The following DMRT1 variants were observed in gnomAD, a reference collection of about 807,000 sequenced individuals.
The protein encoded by DMRT1 is doublesex and mab-3 related transcription factor 1.
Under a neutral mutation model 32.3 loss-of-function variants are expected in DMRT1, and 7 were observed. The ratio of observed to expected loss-of-function variants is 0.22; its 90% CI spans 0.12 to 0.41. The LOEUF (loss-of-function observed/expected upper bound fraction) is 0.41. Among genes scored for constraint, DMRT1 ranks in the 10% least tolerant of loss-of-function variants. The probability of loss-of-function intolerance (pLI) is 1.00; values close to 1 mark genes in which losing one functional copy is unlikely to be tolerated. For missense variants in DMRT1, 625 were observed against 500.5 expected (o/e 1.25, Z -2.37); for synonymous variants, 278 against 206.1 (o/e 1.35, Z -2.99).
chr9:873,968 A>G (rs1816386872), intron 2 of DMRT1, among the ~76,000 whole-genome samples: 1 of 152,242 alleles, frequency 6.6e-6, no homozygotes, highest in African/African-American at 2.4e-5. Flanking sequence ...AGTGGAAAGT[A>G]CCTAAAAGCT....
intron 2 of DMRT1, among the ~76,000 whole-genome samples, chr9:849,147 G>C (rs1250892030): frequency 6.6e-6 from 1 of 151,988 alleles, no homozygotes; most frequent in Non-Finnish European, 1.5e-5. Context: ...CTTAGTAAAT[G>C]GTAAGGAGAC....
intron 3 of DMRT1, among the ~76,000 whole-genome samples, chr9:908,852 C>CCA (rs921451488): frequency 6.6e-6 from 1 of 152,106 alleles, no homozygotes; most frequent in Non-Finnish European, 1.5e-5. Context: ...CTCTCCTGGG[C>CCA]GCATTTGGAG....
chr9:901,407 A>T (rs1390135706), intron 3 of DMRT1, among the ~76,000 whole-genome samples: 1 of 151,496 alleles, frequency 6.6e-6, no homozygotes, highest in Non-Finnish European at 1.5e-5. Flanking sequence ...GCTCACTGCA[A>T]CCTCTGCCTC....
intron 4 of DMRT1, among the ~76,000 whole-genome samples, chr9:917,961 G>A (rs1818235991): frequency 6.6e-6 from 1 of 152,142 alleles, no homozygotes; most frequent in Non-Finnish European, 1.5e-5. Context: ...GTTGGGAGTG[G>A]ACAAGCACAA....
intron 2 of DMRT1, among the ~76,000 whole-genome samples, chr9:882,963 G>T (rs1019901434): frequency 2.0e-5 from 3 of 151,532 alleles, no homozygotes; most frequent in African/African-American, 4.8e-5. Context: ...GTAGAGACGG[G>T]GTTTCACCAT....
rs148573512 is a variant in DMRT1 at position 854,147 on chromosome 9, C to T, written c.538+7004C>T. ...TTTAATTTTTCAAGAGACAGAGGTT[C>T]GTTCTGTTGCCCAGGTTGGAATGCA... On this transcript the variant is annotated intron_variant, in intron 2 of 4. Transcript: ENST00000382276. Among the ~76,000 whole-genome samples the T allele has an allele frequency of 7.9e-3, 1,193 of 150,874 alleles. 14 individuals are homozygous for T. The highest frequency in any genetic ancestry group is 0.028 in the African/African-American group (1,146 of 41,106).
Position 862,230 on chromosome 9 carries a change from G to C in DMRT1, c.538+15087G>C, listed in dbSNP as rs964468902. ...GGGCAACACTGAGCACTGAGTGAGCGAGACTCCGTCTGCACTCCCGGCACC... is the reference window on the plus strand; with the variant it reads ...GGGCAACACTGAGCACTGAGTGAGCCAGACTCCGTCTGCACTCCCGGCACC... On this transcript the variant is annotated intron_variant, in intron 2 of 4. Coordinates refer to ENST00000382276, the MANE Select transcript of DMRT1 (RefSeq NM_021951.3). Among the ~76,000 whole-genome samples the C allele has an allele frequency of 5.8e-4, 88 of 152,166 alleles. No homozygotes were observed. In the South Asian group the frequency reaches 0.011, roughly 19 times the overall value.
chr9:859,121 G>T (rs971386410), intron 2 of DMRT1, among the ~76,000 whole-genome samples: 1 of 152,050 alleles, frequency 6.6e-6, no homozygotes, highest in African/African-American at 2.4e-5. Context: ...GAAATCACCT[G>T]TAGACTCACA....
At chr9:884,294 G>C (rs1816841501) in intron 2 of DMRT1, among the ~76,000 whole-genome samples, 1 of 151,250 alleles carries the variant, frequency 6.6e-6, no homozygotes, top group Non-Finnish European at 1.5e-5. Context: ...TCCACGATCA[G>C]TAAGGGTATT....
intron 3 of DMRT1, among the ~76,000 whole-genome samples, chr9:916,374 T>C (rs907783059): frequency 1.7e-5 from 2 of 120,394 alleles, no homozygotes; most frequent in East Asian, 2.9e-4. Context: ...CTTAATTTGC[T>C]TTTTTTTTTT....
At chr9:893,586 G>C (rs1051818022) in intron 2 of DMRT1, among the ~76,000 whole-genome samples, 1 of 152,260 alleles carries the variant, frequency 6.6e-6, no homozygotes, top group Non-Finnish European at 1.5e-5. Context: ...AGGTCAACTA[G>C]ATTTGCTCTT....
intron 4 of DMRT1, among the ~76,000 whole-genome samples, chr9:928,640 C>CA (rs1460992375): frequency 6.6e-6 from 1 of 152,086 alleles, no homozygotes; most frequent in Non-Finnish European, 1.5e-5. Flanking sequence ...AGACTATACC[C>CA]AAATCAGCCC....
chr9:851,209 A>G (rs1338495990), intron 2 of DMRT1, among the ~76,000 whole-genome samples: 1 of 152,044 alleles, frequency 6.6e-6, no homozygotes, highest in South Asian at 2.1e-4. Flanking sequence ...TTACTAGGTC[A>G]GTAGCTTAGT....
At chr9:903,687 G>C (rs1395477729) in intron 3 of DMRT1, among the ~76,000 whole-genome samples, 1 of 152,164 alleles carries the variant, frequency 6.6e-6, no homozygotes, top group Admixed American at 6.5e-5. Flanking sequence ...TAGTGCACAG[G>C]AGAGACATTT....
intron 4 of DMRT1, among the ~76,000 whole-genome samples, chr9:934,772 G>C (rs1818832517): frequency 6.6e-6 from 1 of 152,062 alleles, no homozygotes; most frequent in African/African-American, 2.4e-5. Context: ...AATGGTCTTG[G>C]TGCCAAGAGG....
intron 1 of DMRT1, 115 bp from the exon 2 acceptor site, chr9:846,845 C>A: frequency 7.7e-7 from 1 of 1,301,082 alleles, no homozygotes; most frequent in Non-Finnish European, 1.1e-6. Context: ...GGGAGATTTT[C>A]AGACCTCACC....
At chr9:937,387 G>A (rs1818922052) in intron 4 of DMRT1, among the ~76,000 whole-genome samples, 1 of 152,194 alleles carries the variant, frequency 6.6e-6, no homozygotes, top group African/African-American at 2.4e-5. Flanking sequence ...GCGTTAAATG[G>A]TAATTTTATG....
At chr9:847,180 G>C in intron 2 of DMRT1, 37 bp downstream of exon 2, 1 of 1,603,440 alleles carries the variant, frequency 6.2e-7, no homozygotes, top group Non-Finnish European at 8.5e-7. Flanking sequence ...TGGAGGCTGG[G>C]CATGAGGGAG....
intron 2 of DMRT1, among the ~76,000 whole-genome samples, chr9:876,835 G>A (rs1816522460): frequency 6.6e-6 from 1 of 152,172 alleles, no homozygotes; most frequent in Non-Finnish European, 1.5e-5. Context: ...CAGGTAACAG[G>A]TGTCTGAGAA....
Sources: gnomAD v4.1 joint callset for allele counts (sites outside exome capture counted in the v4.1 genomes callset) on GRCh38, gnomAD v4.1.1 for gene constraint, MANE v1.5 for transcripts, NCBI Gene and HGNC (gene_info 2026-07-23, HGNC 2026-07-21) for gene names.